The following EYS variants were observed in gnomAD, a reference collection of about 807,000 sequenced individuals.
EYS encodes EGF-like photoreceptor maintenance factor.
EYS carries 250 observed loss-of-function variants against 282.1 expected under a neutral mutation model. That is an observed-to-expected ratio of 0.89 (90% CI 0.80 to 0.98). EYS has a LOEUF of 0.98. EYS is among the 50% of genes least tolerant of loss of function. The pLI is 0.00. For missense variants in EYS, 4,016 were observed against 3,709.0 expected, an observed-to-expected ratio of 1.08 and a Z score of -2.15; for synonymous variants, 1,355 against 1,282.9, an observed-to-expected ratio of 1.06 and a Z score of -1.20.
At chr6:64,611,697 A>C (rs1159768009) in intron 24 of EYS, among the ~76,000 whole-genome samples, 1 of 152,126 alleles carries the variant, frequency 6.6e-6, no homozygotes. Context: ...TTGCAAGAGG[A>C]TGTGAGCCTG....
At chr6:64,364,404 A>G (rs1016699057) in intron 29 of EYS, among the ~76,000 whole-genome samples, 7 of 151,956 alleles carry the variant, frequency 4.6e-5, no homozygotes. Flanking sequence ...CCCAAATTCA[A>G]GAACATTATG....
intron 12 of EYS, among the ~76,000 whole-genome samples, chr6:65,067,683 A>C (rs1399368252): frequency 1.3e-4 from 20 of 152,100 alleles, no homozygotes; most frequent in Admixed American, 1.3e-3. Flanking sequence ...GGCTTTCCTA[A>C]TATTTGCAAG....
At chr6:64,600,328 T>C (rs1183444113) in intron 24 of EYS, among the ~76,000 whole-genome samples, 2 of 152,086 alleles carry the variant, frequency 1.3e-5, no homozygotes, top group African/African-American at 4.8e-5. Flanking sequence ...AGGATATTTC[T>C]CTATGTGGTT....
intron 30 of EYS, among the ~76,000 whole-genome samples, chr6:64,303,047 G>A (rs1769290798): frequency 6.6e-6 from 1 of 152,100 alleles, no homozygotes; most frequent in Non-Finnish European, 1.5e-5. Flanking sequence ...CAACTCAAGA[G>A]GCTGAACAAA....
At chr6:64,059,515 G>A (rs1451054616) in intron 33 of EYS, among the ~76,000 whole-genome samples, 1 of 152,146 alleles carries the variant, frequency 6.6e-6, no homozygotes, top group Non-Finnish European at 1.5e-5. Context: ...CATTCAGACT[G>A]AGATGCTCCA....
Position 65,239,302 on chromosome 6 carries a change from T to C in EYS, c.2023+56561A>G, listed in dbSNP as rs191749308. The stretch of plus-strand genomic sequence containing the variant: ...TTTCTATATATTATTTTGACATAAA[T>C]GAATCAATAAATTATAGACAAGAAT... On this transcript the variant is annotated intron_variant, in intron 12 of 42. Coordinates refer to ENST00000503581, the MANE Select transcript of EYS (RefSeq NM_001142800.2). 1.6e-3 allele frequency among the ~76,000 whole-genome samples: 245 copies of C among 152,186 alleles called. 2 individuals are homozygous for C. Among genetic ancestry groups the C allele is most frequent in the African/African-American group, 5.4e-3 (225 of 41,548 alleles).
rs540679066 is a variant in EYS at position 64,453,243 on chromosome 6, T to G, written c.5645-13891A>C. 6.3e-3 allele frequency among the ~76,000 whole-genome samples: 950 copies of G among 151,314 alleles called. 9 individuals are homozygous for G. The highest frequency in any genetic ancestry group is 0.022 in the African/African-American group (907 of 40,698). Reference sequence around the variant, plus strand: ...AGAGAAGACATTTATGCAGCCAAAATACACATGAAAAAATGCTTATCATCA... The same window carrying G: ...AGAGAAGACATTTATGCAGCCAAAAGACACATGAAAAAATGCTTATCATCA... On this transcript the variant is annotated intron_variant, in intron 26 of 42. Transcript: ENST00000503581.
intron 35 of EYS, among the ~76,000 whole-genome samples, chr6:63,952,440 C>T (rs546865306): frequency 5.3e-5 from 8 of 152,066 alleles, no homozygotes; most frequent in Non-Finnish European, 1.0e-4. Flanking sequence ...AGTCGGTCCC[C>T]TTCTTAATCA....
intron 35 of EYS, among the ~76,000 whole-genome samples, chr6:63,964,847 A>C (rs1390932669): frequency 6.6e-6 from 1 of 152,212 alleles, no homozygotes; most frequent in African/African-American, 2.4e-5. Flanking sequence ...TACAGTAGAC[A>C]GAGCCATAGA....
chr6:64,414,135 T>C (rs990974441), intron 28 of EYS, among the ~76,000 whole-genome samples: 9 of 152,270 alleles, frequency 5.9e-5, no homozygotes, highest in South Asian at 2.1e-4. Flanking sequence ...TGAAGTAAGA[T>C]TGTACAACTT....
chr6:64,175,675 TAGGTAAGA>T (rs1042709731), intron 31 of EYS, among the ~76,000 whole-genome samples: 3 of 152,164 alleles, frequency 2.0e-5, no homozygotes, highest in Non-Finnish European at 4.4e-5. Flanking sequence ...CAGGGAATAG[TAGGTAAGA>T]CCAGCACAGG....
chr6:63,748,893 C>T (rs1242075958), intron 41 of EYS, among the ~76,000 whole-genome samples: 1 of 151,932 alleles, frequency 6.6e-6, no homozygotes, highest in Non-Finnish European at 1.5e-5. Flanking sequence ...CTTTATTGGT[C>T]TAGCTAGTGG....
chr6:65,314,785 T>C (rs1041302825), intron 11 of EYS, among the ~76,000 whole-genome samples: 8 of 152,062 alleles, frequency 5.3e-5, no homozygotes, highest in Non-Finnish European at 1.0e-4. Context: ...CTCACATAGA[T>C]TTTTGTTCAT....
chr6:65,313,481 C>T (rs1021924296), intron 11 of EYS, among the ~76,000 whole-genome samples: 22 of 151,274 alleles, frequency 1.5e-4, no homozygotes, highest in Non-Finnish European at 2.7e-4. Context: ...CCTGATCTTG[C>T]CTCCAAATAC....
intron 22 of EYS, among the ~76,000 whole-genome samples, chr6:64,665,737 A>G (rs868284424): frequency 3.3e-5 from 5 of 152,010 alleles, no homozygotes; most frequent in Admixed American, 3.3e-4. Context: ...TTTTTTCCAT[A>G]CTGAGTTCTG....
At chr6:64,239,465 A>T (rs1207951332) in intron 30 of EYS, among the ~76,000 whole-genome samples, 1 of 152,200 alleles carries the variant, frequency 6.6e-6, no homozygotes, top group South Asian at 2.1e-4. Flanking sequence ...GTGAGATGGT[A>T]TCTCATTGTG....
chr6:63,843,176 T>C (rs558992062), intron 36 of EYS, among the ~76,000 whole-genome samples: 1 of 152,344 alleles, frequency 6.6e-6, no homozygotes, highest in Non-Finnish European at 1.5e-5. Context: ...GGAATAGCAT[T>C]GAATTTATAA....
At chr6:64,668,183 T>C (rs1583019475) in intron 22 of EYS, among the ~76,000 whole-genome samples, 1 of 152,164 alleles carries the variant, frequency 6.6e-6, no homozygotes, top group African/African-American at 2.4e-5. Context: ...TAAATTGCAA[T>C]GTTAAGATAT....
rs1045568063 is a variant in EYS, at chr6:65,185,595, C to T, written c.2023+110268G>A. On this transcript the variant is annotated intron_variant, in intron 12 of 42. Coordinates refer to ENST00000503581, the MANE Select transcript of EYS (RefSeq NM_001142800.2). Reference sequence around the variant, plus strand: ...CATAATTTTTCTTGGCTGTTTCCAGCGTGTAACCTACCTTACTTTAATTTC... The same window carrying T: ...CATAATTTTTCTTGGCTGTTTCCAGTGTGTAACCTACCTTACTTTAATTTC... 7.2e-5 allele frequency among the ~76,000 whole-genome samples: 11 copies of T among 151,876 alleles called. No homozygotes were observed. The East Asian group carries it at 1.2e-3, about 16-fold the overall frequency.
Sources: gnomAD v4.1 joint callset for allele counts (sites outside exome capture counted in the v4.1 genomes callset) on GRCh38, gnomAD v4.1.1 for gene constraint, MANE v1.5 for transcripts, NCBI Gene and HGNC (gene_info 2026-07-23, HGNC 2026-07-21) for gene names.